TRPM1: variants seen among roughly 807,000 people sequenced by gnomAD.
The protein encoded by TRPM1 is TRPM1-203 APA Isoform, Intron 10.
In TRPM1, 113 loss-of-function variants were observed where a neutral mutation model predicts 149.4. That is an observed-to-expected ratio of 0.76 (90% CI 0.65 to 0.88). TRPM1 has a LOEUF of 0.88. TRPM1 is among the 40% of genes least tolerant of loss of function. The probability of loss-of-function intolerance (pLI) is 0.00; values close to 1 mark genes in which losing one functional copy is unlikely to be tolerated. For synonymous variants in TRPM1, 741 were observed against 759.5 expected (o/e 0.98, Z 0.40); for missense variants, 1,976 against 2,038.7 (o/e 0.97, Z 0.59).
In TRPM1 at chr15:31,113,193, T is replaced by G. The variant is rs537022557; in HGVS notation, c.55-36209A>C. Among the ~76,000 whole-genome samples, 462 of 152,268 alleles carry G rather than the reference T, an allele frequency of 3.0e-3. 4 individuals carry two copies. Among genetic ancestry groups the G allele is most frequent in the Non-Finnish European group, 5.9e-3 (403 of 68,010 alleles). On this transcript the variant is annotated intron_variant, in intron 1 of 26. Coordinates refer to the TRPM1 transcript ENST00000542188. ...CTCACCACGGCCCACCTTCTCCAGC[T>G]GGTGAATGGTAACTCACAGGAGTGA...
At chr15:31,141,791 A>G (rs2036166170) in intron 1 of TRPM1, among the ~76,000 whole-genome samples, 1 of 152,216 alleles carries the variant, frequency 6.6e-6, no homozygotes, top group Non-Finnish European at 1.5e-5. Context: ...TGTGTGATCA[A>G]GTTGGTTAAA....
At chr15:31,107,556 T>G (rs2035625667) in intron 1 of TRPM1, among the ~76,000 whole-genome samples, 1 of 152,108 alleles carries the variant, frequency 6.6e-6, no homozygotes, top group Non-Finnish European at 1.5e-5. Flanking sequence ...ACGCTTTATT[T>G]TATTATTTCC....
At chr15:31,005,104 A>AAAATAAATAAATAAAT (rs71420541) in intron 27 of TRPM1, among the ~76,000 whole-genome samples, 21,322 of 142,632 alleles carry the variant, frequency 0.15, 1,820 homozygotes, top group Non-Finnish European at 0.17. Context: ...TCCATCTCAA[A>AAAATAAATAAATAAAT]AAATAAATAA....
intron 4 of TRPM1, among the ~76,000 whole-genome samples, chr15:31,068,539 C>T (rs941261906): frequency 2.0e-5 from 3 of 151,550 alleles, no homozygotes; most frequent in African/African-American, 2.4e-5. Flanking sequence ...GTCAGGAGTT[C>T]GAGACCAGCC....
intron 16 of TRPM1, among the ~76,000 whole-genome samples, chr15:31,045,918 G>T (rs987302610): frequency 7.9e-5 from 12 of 151,894 alleles, no homozygotes; most frequent in Non-Finnish European, 1.5e-4. Flanking sequence ...TGTTATTTTT[G>T]GTTTTTTACT....
chr15:31,113,672 C>G (rs1280193784), intron 1 of TRPM1, among the ~76,000 whole-genome samples: 4 of 151,828 alleles, frequency 2.6e-5, no homozygotes. Context: ...CTCCATCACC[C>G]ACGTTTTAAG....
At chr15:31,010,467 T>C (rs965991760) in intron 27 of TRPM1, among the ~76,000 whole-genome samples, 1 of 152,210 alleles carries the variant, frequency 6.6e-6, no homozygotes, top group Admixed American at 6.5e-5. Flanking sequence ...TTTTGGTATA[T>C]TGTGTTTTCA....
exon 1 of TRPM1, chr15:31,161,042 G>A (rs2036438634): frequency 2.2e-6 from 3 of 1,380,338 alleles, no homozygotes; most frequent in Middle Eastern, 1.9e-4. Context: ...TCCCTGGGTG[G>A]GCAGGAGCGG....
intron 1 of TRPM1, among the ~76,000 whole-genome samples, chr15:31,113,553 GT>G (rs368699771): frequency 7.5e-5 from 11 of 147,302 alleles, no homozygotes; most frequent in Non-Finnish European, 1.3e-4. Flanking sequence ...CTCCTAAAAT[GT>G]TTTTTTTTAA....
rs2034284097 is a variant in TRPM1 at position 31,063,244 on chromosome 15, G to A, written c.839C>T (p.Pro280Leu). Residue 280 changes from proline (P) to leucine (L), a missense_variant, in exon 8 of 28, where the codon CCT (proline) becomes CTT (leucine). This residue lies in a region of TRPM1 where 1,332 missense variants were observed against 1,347.1 expected (regional missense o/e 0.99). Coordinates refer to ENST00000256552, the MANE Select transcript of TRPM1 (RefSeq NM_001252024.2). ...PLVGLVVEGG[P>L]NVVSIVLEYL... ...TTCCAAGACGATGGACACCACGTTA[G>A]GGCCCCCCTCCACCACGAGACCCAC... 2 of 1,614,022 alleles carry A rather than the reference G, an allele frequency of 1.2e-6. No homozygotes were observed. The highest frequency in any genetic ancestry group is 2.7e-5 in the African/African-American group (2 of 74,914).
chr15:31,017,277 C>T (rs548312480), intron 27 of TRPM1, among the ~76,000 whole-genome samples: 97 of 152,236 alleles, frequency 6.4e-4, no homozygotes, highest in African/African-American at 2.2e-3. Flanking sequence ...CCACTGCACT[C>T]CAGCCTGAGC....
At chr15:31,098,595 A>C (rs962035329) in intron 1 of TRPM1, among the ~76,000 whole-genome samples, 2 of 152,144 alleles carry the variant, frequency 1.3e-5, no homozygotes, top group Non-Finnish European at 2.9e-5. Context: ...TTAACAAACA[A>C]AAAAGGGCAC....
At position 31,126,504 on chromosome 15, in the gene TRPM1, G is replaced by A. The variant is rs2035953426; in HGVS notation, c.54+34402C>T. Among the ~76,000 whole-genome samples, 4 of 152,162 alleles carry A rather than the reference G, an allele frequency of 2.6e-5. No homozygotes were observed. The South Asian group carries it at 8.3e-4, about 32-fold the overall frequency. On this transcript the variant is annotated intron_variant, in intron 1 of 26. Coordinates refer to the TRPM1 transcript ENST00000542188. ...TTCACAACTCTCCCATCCTTGGCAG[G>A]GTTAGAAGTACCTATGGTCTCTTAG...
rs202006754 is a variant in TRPM1 at position 31,046,063 on chromosome 15, A to G, written c.1794+141T>C. ...TATCCCCATTAAAGAAAATGTATAT[A>G]TGGTCCTTTTATATAATTTGACTAA... On this transcript the variant is annotated intron_variant, in intron 16 of 27. Transcript: ENST00000256552. 2.0e-5 allele frequency: 15 copies of G among 739,638 alleles called. No homozygotes were observed. In the East Asian group the frequency reaches 3.6e-4, roughly 18 times the overall value. 45.8% of individuals were successfully genotyped at this position (739,638 alleles called of 1,614,324 possible).
At chr15:31,089,334 C>G (rs748171699) in intron 1 of TRPM1, among the ~76,000 whole-genome samples, 5 of 152,110 alleles carry the variant, frequency 3.3e-5, no homozygotes, top group Non-Finnish European at 7.3e-5. Context: ...GTTAACTTTT[C>G]CCACTTGGTT....
chr15:31,082,944 G>A (rs753055216), intron 1 of TRPM1, among the ~76,000 whole-genome samples: 10 of 152,076 alleles, frequency 6.6e-5, no homozygotes, highest in Non-Finnish European at 1.3e-4. Context: ...TTAACAATGT[G>A]ACCTTCTAGA....
intron 24 of TRPM1, among the ~76,000 whole-genome samples, chr15:31,028,742 A>G (rs2032915147): frequency 6.6e-6 from 1 of 151,164 alleles, no homozygotes; most frequent in South Asian, 2.1e-4. Flanking sequence ...ACTGAGCGAG[A>G]CTCCCAGTTG....
chr15:31,080,777 C>T (rs991667570), intron 2 of TRPM1, among the ~76,000 whole-genome samples: 1 of 151,606 alleles, frequency 6.6e-6, no homozygotes, highest in African/African-American at 2.4e-5. Context: ...CACACTTTCC[C>T]TGGCAGCCCC....
intron 1 of TRPM1, among the ~76,000 whole-genome samples, chr15:31,133,211 C>T (rs4779832): frequency 0.49 from 73,995 of 151,846 alleles, 19,086 homozygotes; most frequent in East Asian, 0.95. Flanking sequence ...CTGAGGTGGG[C>T]GGATCACTTG....
Sources: gnomAD v4.1 joint callset for allele counts (sites outside exome capture counted in the v4.1 genomes callset) on GRCh38, gnomAD v4.1.1 for gene constraint, gnomAD v4.1.1 regional missense constraint, MANE v1.5 for transcripts, NCBI Gene and HGNC (gene_info 2026-07-23, HGNC 2026-07-21) for gene names.